Variants in NFIA observed in about 807,000 individuals in gnomAD.
NFIA encodes nuclear factor I A, also known as nuclear factor 1 A-type.
NFIA carries 8 observed loss-of-function variants against 62.8 expected under a neutral mutation model. That is an observed-to-expected ratio of 0.13 (90% CI 0.07 to 0.23). The LOEUF is 0.23. Among genes scored for constraint, NFIA ranks in the 10% least tolerant of loss-of-function variants. The probability of loss-of-function intolerance (pLI) is 1.00; values close to 1 mark genes in which losing one functional copy is unlikely to be tolerated. For synonymous variants in NFIA, 235 were observed against 238.1 expected, an observed-to-expected ratio of 0.99 and a Z score of 0.12; for missense variants, 410 against 642.1, an observed-to-expected ratio of 0.64 and a Z score of 3.91.
chr1:61,121,252 C>T (rs1428758058), intron 2 of NFIA, among the ~76,000 whole-genome samples: 2 of 152,116 alleles, frequency 1.3e-5, no homozygotes, highest in African/African-American at 2.4e-5. Context: ...ATATGCTATG[C>T]TGTTATTTTA....
At chr1:61,175,037 A>G (rs1359554008) in intron 2 of NFIA, among the ~76,000 whole-genome samples, 1 of 152,186 alleles carries the variant, frequency 6.6e-6, no homozygotes, top group African/African-American at 2.4e-5. Context: ...AAAAAACAAA[A>G]AAACACATCT....
chr1:61,101,355 A>G (rs1034894574), intron 2 of NFIA, among the ~76,000 whole-genome samples: 2 of 150,104 alleles, frequency 1.3e-5, no homozygotes, highest in Non-Finnish European at 3.0e-5. Context: ...AGATCGCGCC[A>G]TTGCACTCCA....
At chr1:61,244,587 T>A (rs1655532487) in intron 2 of NFIA, among the ~76,000 whole-genome samples, 2 of 152,220 alleles carry the variant, frequency 1.3e-5, no homozygotes, top group African/African-American at 2.4e-5. Flanking sequence ...TTAAATAATC[T>A]AGTACCTTGT....
intron 6 of NFIA, among the ~76,000 whole-genome samples, chr1:61,371,435 G>A (rs1202345009): frequency 6.6e-6 from 1 of 151,884 alleles, no homozygotes; most frequent in Non-Finnish European, 1.5e-5. Context: ...TTGTCTATCA[G>A]CATTGAAACC....
intron 4 of NFIA, among the ~76,000 whole-genome samples, chr1:61,349,168 T>C (rs1294898494): frequency 6.6e-6 from 1 of 152,072 alleles, no homozygotes; most frequent in African/African-American, 2.4e-5. Flanking sequence ...AAAAAGCAAA[T>C]TAGGGAATGA....
intron 8 of NFIA, among the ~76,000 whole-genome samples, chr1:61,405,753 A>G (rs985411851): frequency 5.3e-5 from 8 of 152,218 alleles, no homozygotes; most frequent in South Asian, 2.1e-4. Flanking sequence ...TCTCTTCATG[A>G]AACTATTTTG....
intron 6 of NFIA, among the ~76,000 whole-genome samples, chr1:61,368,613 T>C (rs72666648): frequency 0.077 from 11,686 of 152,192 alleles, 691 homozygotes; most frequent in African/African-American, 0.17. Flanking sequence ...AATGAGATGA[T>C]AAGAACAAGA....
intron 2 of NFIA, among the ~76,000 whole-genome samples, chr1:61,153,627 G>T (rs1005644381): frequency 6.6e-6 from 1 of 152,314 alleles, no homozygotes; most frequent in Non-Finnish European, 1.5e-5. Context: ...CAGCTAGCTT[G>T]TTCAGTTGTT....
chr1:61,417,249 T>C (rs1038357040), intron 9 of NFIA, among the ~76,000 whole-genome samples: 4 of 134,648 alleles, frequency 3.0e-5, no homozygotes, highest in African/African-American at 1.1e-4. Flanking sequence ...AACATTTTGG[T>C]TTTGTTTCCT....
At chr1:61,092,760 T>C (rs1369326954) in intron 2 of NFIA, among the ~76,000 whole-genome samples, 2 of 152,150 alleles carry the variant, frequency 1.3e-5, no homozygotes, top group Admixed American at 1.3e-4. Flanking sequence ...TTCCTTCATA[T>C]AGTAATAGAG....
chr1:61,216,649 G>T (rs935188149), intron 2 of NFIA, among the ~76,000 whole-genome samples: 4 of 152,212 alleles, frequency 2.6e-5, no homozygotes, highest in African/African-American at 4.8e-5. Context: ...ATACTAGTGT[G>T]TAGCAATAAC....
intron 5 of NFIA, among the ~76,000 whole-genome samples, chr1:61,356,420 A>G (rs9787075): frequency 0.24 from 36,058 of 152,124 alleles, 4,896 homozygotes; most frequent in African/African-American, 0.37. Context: ...GCCAGAAACC[A>G]TGTGGAAAAA....
intron 3 of NFIA, among the ~76,000 whole-genome samples, chr1:61,291,475 CA>C (rs1658877858): frequency 6.6e-6 from 1 of 152,004 alleles, no homozygotes; most frequent in African/African-American, 2.4e-5. Flanking sequence ...AAGAGAGGCA[CA>C]AAAATTGACT....
intron 6 of NFIA, among the ~76,000 whole-genome samples, chr1:61,381,093 A>C (rs1664388097): frequency 6.8e-6 from 1 of 147,932 alleles, no homozygotes; most frequent in Admixed American, 6.9e-5. Context: ...CAGTGATTCC[A>C]TTATCTGAAA....
chr1:61,219,412 A>G (rs1010355652), intron 2 of NFIA, among the ~76,000 whole-genome samples: 2 of 151,884 alleles, frequency 1.3e-5, no homozygotes, highest in African/African-American at 4.8e-5. Flanking sequence ...ACTATCTAAC[A>G]TTTAAATAAT....
rs10544967 is a variant in NFIA at position 61,352,756 on chromosome 1, T to TACAC, written c.818+214_818+217dup. 0.24 allele frequency among the ~76,000 whole-genome samples: 35,360 copies of TACAC among 150,440 alleles called. 4,725 individuals are homozygous for TACAC. The highest frequency in any genetic ancestry group is 0.37 in the South Asian group (1,725 of 4,704). On this transcript the variant is annotated intron_variant, in intron 5 of 10. Transcript: ENST00000403491. ...CAAATATGCATGTGGCAAGATTAAA[T>TACAC]ACACACACACACACACACACACACA...
chr1:61,223,561 G>C, intron 2 of NFIA, among the ~76,000 whole-genome samples: 1 of 151,986 alleles, frequency 6.6e-6, no homozygotes, highest in East Asian at 1.9e-4. Flanking sequence ...TAGAATATAA[G>C]ATAAACATTT....
upstream of NFIA, among the ~76,000 whole-genome samples, chr1:61,079,129 A>G (rs1230267718): frequency 2.0e-5 from 3 of 152,226 alleles, no homozygotes; most frequent in Non-Finnish European, 4.4e-5. Flanking sequence ...CTTCAGCAAC[A>G]TGATTCAATT....
At chr1:61,124,805 G>A (rs180805725) in intron 2 of NFIA, 1 of 152,322 alleles carries the variant, frequency 6.6e-6, no homozygotes, top group East Asian at 1.9e-4. Context: ...TTGCAGAGCA[G>A]CATTCCCTTT....
Sources: allele counts gnomAD v4.1 joint callset (sites outside exome capture counted in the v4.1 genomes callset), GRCh38; gene constraint gnomAD v4.1.1; transcripts MANE v1.5; gene names NCBI Gene and HGNC (gene_info 2026-07-23, HGNC 2026-07-21).